CCDC30: variants seen among roughly 807,000 people sequenced by gnomAD.
CCDC30 encodes the protein coiled-coil domain-containing protein 30.
Under a neutral mutation model 100.2 loss-of-function variants are expected in CCDC30, and 70 were observed. That is an observed-to-expected ratio of 0.70 (90% CI 0.58 to 0.85). The LOEUF (loss-of-function observed/expected upper bound fraction) is 0.85. Ranked by LOEUF, CCDC30 falls within the 40% of genes least tolerant of loss-of-function variation. The probability of loss-of-function intolerance (pLI) is 0.00; values close to 1 mark genes in which losing one functional copy is unlikely to be tolerated. For missense variants in CCDC30, 652 were observed against 771.2 expected (o/e 0.85, Z 1.83); for synonymous variants, 233 against 269.5 (o/e 0.86, Z 1.33).
chr1:42,479,710 C>CA (rs1643927924), intron 1 of CCDC30, among the ~76,000 whole-genome samples: 1 of 152,078 alleles, frequency 6.6e-6, no homozygotes, highest in Non-Finnish European at 1.5e-5. Flanking sequence ...GCTTATTAGT[C>CA]AGATACACTC....
At chr1:42,456,655 G>C in the CCDC30 span, 1 of 1,598,054 alleles carries the variant, frequency 6.3e-7, no homozygotes, top group South Asian at 1.1e-5. Flanking sequence ...CGGCCAGGCT[G>C]GGCGCGCAGG....
chr1:42,463,003 C>A (rs572141370), upstream of CCDC30, among the ~76,000 whole-genome samples: 51 of 151,400 alleles, frequency 3.4e-4, no homozygotes, highest in Non-Finnish European at 5.9e-4. Flanking sequence ...CCAGCTGAGT[C>A]CTGGCGGGAA....
chr1:42,551,035 C>G (rs1184562036), intron 6 of CCDC30, among the ~76,000 whole-genome samples: 1 of 151,986 alleles, frequency 6.6e-6, no homozygotes, highest in Non-Finnish European at 1.5e-5. Flanking sequence ...TGGTTTGTTA[C>G]ATATGTATAC....
chr1:42,490,881 T>C (rs1225213504), intron 4 of CCDC30, among the ~76,000 whole-genome samples: 1 of 152,194 alleles, frequency 6.6e-6, no homozygotes, highest in Non-Finnish European at 1.5e-5. Context: ...CTGACACCAA[T>C]ATACTTTATA....
At chr1:42,519,243 C>CT (rs1644599714) in intron 6 of CCDC30, among the ~76,000 whole-genome samples, 2 of 152,282 alleles carry the variant, frequency 1.3e-5, no homozygotes, top group East Asian at 3.9e-4. Context: ...CTGTAGTTTA[C>CT]TTTTCCTGTG....
At chr1:42,489,291 T>C (rs2148464457) in intron 3 of CCDC30, among the ~76,000 whole-genome samples, 1 of 152,310 alleles carries the variant, frequency 6.6e-6, no homozygotes, top group Non-Finnish European at 1.5e-5. Flanking sequence ...AATGGAAACA[T>C]GAATATCTAC....
At chr1:42,457,091 AC>A in the CCDC30 span, 1 of 1,580,874 alleles carries the variant, frequency 6.3e-7, no homozygotes, top group African/African-American at 1.3e-5. Context: ...CCCTAGGAGT[AC>A]CCCTTTTGCC....
intron 1 of CCDC30, among the ~76,000 whole-genome samples, chr1:42,465,583 T>C (rs903542916): frequency 6.6e-6 from 1 of 152,126 alleles, no homozygotes; most frequent in South Asian, 2.1e-4. Context: ...AGGCTGAGTC[T>C]TGAACTCCTG....
chr1:42,509,653 A>G (rs1426854819), intron 6 of CCDC30, among the ~76,000 whole-genome samples: 1 of 152,226 alleles, frequency 6.6e-6, no homozygotes, highest in Non-Finnish European at 1.5e-5. Context: ...CTTGATCAAC[A>G]GGCTTATGAG....
chr1:42,574,502 C>A lies in CCDC30; in HGVS notation c.637-2518C>A, dbSNP rs77978897. The stretch of plus-strand genomic sequence containing the variant: ...CATTTCACTTTTATAATATTAGTTA[C>A]CTTTGCCTTGTTGCTTTTTCTTTGA... On this transcript the variant is annotated intron_variant, in intron 7 of 16. Coordinates refer to ENST00000668663, the Ensembl canonical transcript of CCDC30. Among the ~76,000 whole-genome samples, 49 of 151,986 alleles carry A rather than the reference C, an allele frequency of 3.2e-4. No homozygotes were observed. The East Asian group carries it at 9.1e-3, about 28-fold the overall frequency.
chr1:42,562,805 A>G lies in CCDC30; in HGVS notation c.457-3491A>G, dbSNP rs544735999. On this transcript the variant is annotated intron_variant, in intron 6 of 16. Transcript: ENST00000668663. ...AAAAGTGGGTGAAGGATATGAACAG[A>G]CACTTCTCAAAAGAAGACATTTACG... Among the ~76,000 whole-genome samples the G allele has an allele frequency of 3.9e-5, 6 of 152,360 alleles. No homozygotes were observed. In the South Asian group the frequency reaches 1.2e-3, roughly 32 times the overall value.
chr1:42,482,566 G>A (rs909060805), intron 2 of CCDC30, 97 bp from the exon 3 acceptor site: 18 of 656,122 alleles, frequency 2.7e-5, no homozygotes, highest in Non-Finnish European at 3.2e-5. Context: ...GATATTGTTT[G>A]CTAATTTATT....
At chr1:42,589,916 C>T (rs1407949423) in intron 10 of CCDC30, 1 of 153,806 alleles carries the variant, frequency 6.5e-6, no homozygotes, top group Non-Finnish European at 1.4e-5. Context: ...TCGTACCACT[C>T]TGAATACTTC....
At position 42,589,499 on chromosome 1, in the gene CCDC30, G is replaced by A. The variant is rs767105334; in HGVS notation, c.1164+16G>A. ...ATATGATGAGGTAAGAAAGTAAATAGACATGCTTCTCAGTTTTCCTATTCC... is the reference window on the plus strand; with the variant it reads ...ATATGATGAGGTAAGAAAGTAAATAAACATGCTTCTCAGTTTTCCTATTCC... On this transcript the variant is annotated intron_variant, in intron 10 of 16. Transcript: ENST00000668663. 1.2e-6 allele frequency: 2 copies of A among 1,605,220 alleles called. No homozygotes were observed. The highest frequency in any genetic ancestry group is 4.5e-5 in the East Asian group (2 of 44,782).
At chr1:42,612,698 A>G (rs1420167986) in intron 11 of CCDC30, among the ~76,000 whole-genome samples, 2 of 152,202 alleles carry the variant, frequency 1.3e-5, no homozygotes, top group Non-Finnish European at 2.9e-5. Flanking sequence ...ACTGCCATGA[A>G]ACTACTTGGA....
At chr1:42,597,626 T>A (rs569553997) in intron 10 of CCDC30, among the ~76,000 whole-genome samples, 1 of 133,096 alleles carries the variant, frequency 7.5e-6, no homozygotes, top group Non-Finnish European at 1.7e-5. Context: ...TGAAACCCCA[T>A]CCCTACAAAA....
intron 6 of CCDC30, among the ~76,000 whole-genome samples, chr1:42,538,874 A>G (rs1285796125): frequency 3.9e-5 from 6 of 152,250 alleles, no homozygotes; most frequent in Non-Finnish European, 4.4e-5. Context: ...AAGCATTGCC[A>G]AAGAATTTAC....
chr1:42,458,425 C>G (rs1643302047), upstream of CCDC30, among the ~76,000 whole-genome samples: 1 of 152,162 alleles, frequency 6.6e-6, no homozygotes, highest in Non-Finnish European at 1.5e-5. Context: ...AAACTCTTAT[C>G]TGTGGGGCAT....
intron 10 of CCDC30, among the ~76,000 whole-genome samples, chr1:42,597,393 G>C (rs1162028373): frequency 6.6e-6 from 1 of 152,026 alleles, no homozygotes; most frequent in Non-Finnish European, 1.5e-5. Flanking sequence ...GAAAATCAAA[G>C]AGAAAGAAAA....
Sources: gnomAD v4.1 joint callset for allele counts (sites outside exome capture counted in the v4.1 genomes callset) on GRCh38, gnomAD v4.1.1 for gene constraint, MANE v1.5 for transcripts, NCBI Gene and HGNC (gene_info 2026-07-23, HGNC 2026-07-21) for gene names.